OLFM3: variants seen among roughly 807,000 people sequenced by gnomAD.
OLFM3 encodes olfactomedin 3, also known as noelin-3.
A neutral mutation model predicts 48.6 loss-of-function variants in OLFM3; 20 were observed. That is an observed-to-expected ratio of 0.41 (90% CI 0.29 to 0.60). OLFM3 has a LOEUF of 0.60. Ranked by LOEUF, OLFM3 falls within the 20% of genes least tolerant of loss-of-function variation. The pLI, the probability that OLFM3 is intolerant of heterozygous loss-of-function variation, is 0.28. For synonymous variants in OLFM3, 222 were observed against 198.1 expected, an observed-to-expected ratio of 1.12 and a Z score of -1.01; for missense variants, 437 against 544.3, an observed-to-expected ratio of 0.80 and a Z score of 1.96.
chr1:101,903,086 G>A (rs1451116284), intron 1 of OLFM3, among the ~76,000 whole-genome samples: 1 of 152,092 alleles, frequency 6.6e-6, no homozygotes, highest in Non-Finnish European at 1.5e-5. Flanking sequence ...TGATAACAAA[G>A]ATAGTAGATA....
chr1:101,862,722 A>G (rs1330413187), intron 1 of OLFM3, among the ~76,000 whole-genome samples: 3 of 152,222 alleles, frequency 2.0e-5, no homozygotes, highest in African/African-American at 7.2e-5. Flanking sequence ...TTGCAGAGAA[A>G]TATGTATTTG....
At chr1:101,976,811 C>T (rs143750485) in intron 1 of OLFM3, among the ~76,000 whole-genome samples, 7 of 152,178 alleles carry the variant, frequency 4.6e-5, no homozygotes, top group Non-Finnish European at 7.4e-5. Context: ...AGAAAGATAA[C>T]TTTTCTTTTC....
chr1:101,875,965 A>G (rs1217501942), intron 1 of OLFM3, among the ~76,000 whole-genome samples: 1 of 152,188 alleles, frequency 6.6e-6, no homozygotes. Context: ...TACATAAATG[A>G]CTGGCTTGCT....
In OLFM3 at chr1:101,804,068, A is replaced by G. The variant is rs892532680; in HGVS notation, c.*170T>C. On this transcript the variant is annotated 3_prime_UTR_variant, in exon 6 of 6. Coordinates refer to ENST00000370103, the MANE Select transcript of OLFM3 (RefSeq NM_058170.4). This position sits in a 1 kb window ranked among gnomAD's most constrained non-coding sequence, Gnocchi z 4.5. ...TTAGAAGTTAAGATGTGTTTCCAACATGGTAAGTTAGACAAGCTCAGCTAT... is the reference window on the plus strand; with the variant it reads ...TTAGAAGTTAAGATGTGTTTCCAACGTGGTAAGTTAGACAAGCTCAGCTAT... The G allele has an allele frequency of 3.9e-6, 2 of 518,260 alleles. No individual in the cohort carries two copies. Among genetic ancestry groups the G allele is most frequent in the Non-Finnish European group, 6.6e-6 (2 of 300,772 alleles). The allele number at this position is 518,260 out of a possible 1,614,324, so 32.1% of individuals were successfully genotyped here. A position where few individuals can be genotyped will look rare whatever the true frequency, so the allele number is the denominator to read the frequency against.
At chr1:101,830,001 A>AT (rs555843018) in intron 3 of OLFM3, among the ~76,000 whole-genome samples, 109 of 148,344 alleles carry the variant, frequency 7.3e-4, no homozygotes, top group Middle Eastern at 6.9e-3. Context: ...CACCCGGCTA[A>AT]TTTTTTTTTT....
intron 1 of OLFM3, among the ~76,000 whole-genome samples, chr1:101,901,595 T>G (rs1019295497): frequency 2.0e-5 from 3 of 151,976 alleles, no homozygotes; most frequent in Non-Finnish European, 4.4e-5. Flanking sequence ...AAATACCAAC[T>G]AGGAGGCTAT....
In OLFM3 at chr1:101,906,462, A is replaced by G. The variant is rs749487506; in HGVS notation, c.70-69437T>C. ...ATTTATTTTAATGCCCTCATTGTACATGTAAGAAAACTATGGCCCAATGAA... is the reference window on the plus strand; with the variant it reads ...ATTTATTTTAATGCCCTCATTGTACGTGTAAGAAAACTATGGCCCAATGAA... On this transcript the variant is annotated intron_variant, in intron 1 of 5. Transcript: ENST00000370103. Among the ~76,000 whole-genome samples, 3 of 152,236 alleles carry G rather than the reference A, an allele frequency of 2.0e-5. No homozygotes were observed. The East Asian group carries it at 5.8e-4, about 29-fold the overall frequency.
chr1:101,988,136 A>G (rs1470912817), intron 1 of OLFM3, among the ~76,000 whole-genome samples: 1 of 152,148 alleles, frequency 6.6e-6, no homozygotes, highest in Non-Finnish European at 1.5e-5. Context: ...AGATACTTAA[A>G]AAAAGGTCAG....
chr1:101,912,891 G>C (rs1658806208), intron 1 of OLFM3, among the ~76,000 whole-genome samples: 1 of 152,094 alleles, frequency 6.6e-6, no homozygotes, highest in African/African-American at 2.4e-5. Flanking sequence ...GTATAATCCA[G>C]TCCTAGGATA....
In OLFM3 at chr1:101,995,734, CTT is replaced by C. The variant is rs1661537712; in HGVS notation, c.69+1012_69+1013del. On this transcript the variant is annotated intron_variant, in intron 1 of 5. Coordinates refer to ENST00000370103, the MANE Select transcript of OLFM3 (RefSeq NM_058170.4). Reference sequence around the variant, plus strand: ...ACATGATGTAAAGCTTTAAAAATAACTTTATAATATTCCAAAATATAGCTTGT... The same window carrying C: ...ACATGATGTAAAGCTTTAAAAATAACTATAATATTCCAAAATATAGCTTGT... Among the ~76,000 whole-genome samples, 3 of 152,260 alleles carry C rather than the reference CTT, an allele frequency of 2.0e-5. No individual in the cohort carries two copies. The South Asian group carries it at 6.2e-4, about 32-fold the overall frequency.
intron 1 of OLFM3, among the ~76,000 whole-genome samples, chr1:101,908,622 C>G (rs558168100): frequency 1.3e-4 from 20 of 152,134 alleles, no homozygotes; most frequent in Non-Finnish European, 2.5e-4. Context: ...GTCCTAGACC[C>G]TGGAACCTTA....
chr1:101,819,283 C>T (rs1362052174), intron 4 of OLFM3, among the ~76,000 whole-genome samples: 1 of 152,082 alleles, frequency 6.6e-6, no homozygotes, highest in Non-Finnish European at 1.5e-5. Context: ...TGATGAGAAC[C>T]TGAGAACTCA....
At chr1:101,990,989 TA>T (rs58481588) in intron 1 of OLFM3, among the ~76,000 whole-genome samples, 1,215 of 8,854 alleles carry the variant, frequency 0.14, 64 homozygotes, top group Admixed American at 0.22. Context: ...TGTCAAAAAG[TA>T]AAAAAAAAAA....
At chr1:101,856,630 A>G (rs1180296706) in intron 1 of OLFM3, among the ~76,000 whole-genome samples, 1 of 151,964 alleles carries the variant, frequency 6.6e-6, no homozygotes, top group Non-Finnish European at 1.5e-5. Flanking sequence ...CACATTTTCC[A>G]GCTTAATTAT....
intron 1 of OLFM3, among the ~76,000 whole-genome samples, chr1:101,918,108 T>C (rs530919671): frequency 6.6e-6 from 1 of 152,306 alleles, no homozygotes; most frequent in South Asian, 2.1e-4. Context: ...CCAAAGAAAT[T>C]CAACGATCAT....
At position 101,958,826 on chromosome 1, in the gene OLFM3, A is replaced by G. The variant is rs530326634; in HGVS notation, c.69+37922T>C. Among the ~76,000 whole-genome samples the G allele has an allele frequency of 1.3e-4, 13 of 97,022 alleles. No homozygotes were observed. In the South Asian group the frequency reaches 4.6e-3, roughly 34 times the overall value. 63.7% of individuals were successfully genotyped at this position (97,022 alleles called of 152,430 possible). A position where few individuals can be genotyped will look rare whatever the true frequency, so the allele number is the denominator to read the frequency against. On this transcript the variant is annotated intron_variant, in intron 1 of 5. Coordinates refer to ENST00000370103, the MANE Select transcript of OLFM3 (RefSeq NM_058170.4). ...AAACTTGTATGTTCTTATGGTATAC[A>G]AAGTGATATTATATATATATATATA...
At chr1:101,826,496 A>G (rs1320642833) in intron 3 of OLFM3, among the ~76,000 whole-genome samples, 1 of 152,170 alleles carries the variant, frequency 6.6e-6, no homozygotes, top group African/African-American at 2.4e-5. Flanking sequence ...TTTTTAAATT[A>G]CATTCAGGAG....
intron 1 of OLFM3, among the ~76,000 whole-genome samples, chr1:101,958,867 T>C (rs1660382400): frequency 6.7e-6 from 1 of 149,802 alleles, no homozygotes; most frequent in African/African-American, 2.4e-5. Context: ...ATGATTAATG[T>C]AATTGGCATA....
chr1:101,829,399 T>C (rs1180941475), intron 3 of OLFM3, among the ~76,000 whole-genome samples: 1 of 152,198 alleles, frequency 6.6e-6, no homozygotes, highest in Non-Finnish European at 1.5e-5. Context: ...CCCCTCTCTT[T>C]TCAATACCCT....
Sources: gnomAD v4.1 joint callset for allele counts (sites outside exome capture counted in the v4.1 genomes callset) on GRCh38, gnomAD v4.1.1 for gene constraint, Gnocchi (gnomAD v3.1) non-coding constraint, MANE v1.5 for transcripts, NCBI Gene and HGNC (gene_info 2026-07-23, HGNC 2026-07-21) for gene names.